Variants in ZNF423 observed in about 807,000 individuals in gnomAD.
ZNF423 encodes the protein Ebf-associated zinc finger protein.
ZNF423 carries 12 observed loss-of-function variants against 95.8 expected under a neutral mutation model. That is an observed-to-expected ratio of 0.13 (90% confidence interval 0.08 to 0.20). The LOEUF is 0.20. Ranked by LOEUF, ZNF423 falls within the 10% of genes least tolerant of loss-of-function variation. The probability of loss-of-function intolerance (pLI) is 1.00; values close to 1 mark genes in which losing one functional copy is unlikely to be tolerated. For missense variants in ZNF423, 1,316 were observed against 1,737.1 expected, an observed-to-expected ratio of 0.76 and a Z score of 4.31; for synonymous variants, 749 against 711.9, an observed-to-expected ratio of 1.05 and a Z score of -0.83.
intron 2 of ZNF423, among the ~76,000 whole-genome samples, chr16:49,777,424 A>C (rs2034139792): frequency 6.6e-6 from 1 of 152,192 alleles, no homozygotes; most frequent in Non-Finnish European, 1.5e-5. Context: ...GTTGGTGTGC[A>C]TGTAATATGT....
intron 1 of ZNF423, among the ~76,000 whole-genome samples, chr16:49,833,235 C>G (rs551787308): frequency 1.1e-4 from 16 of 152,326 alleles, no homozygotes; most frequent in African/African-American, 3.8e-4. Flanking sequence ...AACACCACTC[C>G]GCAGAGAAAA....
intron 1 of ZNF423, among the ~76,000 whole-genome samples, chr16:49,808,840 C>T (rs1169339638): frequency 6.6e-6 from 1 of 152,238 alleles, no homozygotes; most frequent in African/African-American, 2.4e-5. Context: ...CCAGGGACTC[C>T]AGCTGTGCAT....
intron 1 of ZNF423, among the ~76,000 whole-genome samples, chr16:49,825,596 G>T (rs1336541833): frequency 1.3e-5 from 2 of 151,956 alleles, no homozygotes; most frequent in Non-Finnish European, 2.9e-5. Flanking sequence ...GGAAGGCAGT[G>T]GGGGAGACAT....
chr16:49,778,980 T>C (rs2034166233), intron 2 of ZNF423, among the ~76,000 whole-genome samples: 1 of 152,196 alleles, frequency 6.6e-6, no homozygotes, highest in Non-Finnish European at 1.5e-5. Flanking sequence ...GGAGGTTTAG[T>C]AACTTACTCC....
intron 2 of ZNF423, among the ~76,000 whole-genome samples, chr16:49,789,001 C>G (rs556162477): frequency 1.3e-5 from 2 of 152,206 alleles, no homozygotes; most frequent in Admixed American, 6.5e-5. Flanking sequence ...ACGTCACCCC[C>G]GACACCCCAC....
chr16:49,604,011 T>C (rs1472064916), intron 5 of ZNF423, among the ~76,000 whole-genome samples: 1 of 152,158 alleles, frequency 6.6e-6, no homozygotes, highest in Admixed American at 6.5e-5. Flanking sequence ...CAGGAACCCA[T>C]TTGAGACGAA....
chr16:49,627,256 CTA>C (rs1972320689), intron 4 of ZNF423, among the ~76,000 whole-genome samples: 1 of 147,040 alleles, frequency 6.8e-6, no homozygotes, highest in Non-Finnish European at 1.5e-5. Context: ...ATCCATCCAT[CTA>C]CATACATACC....
intron 1 of ZNF423, chr16:49,854,266 G>T: frequency 4.1e-6 from 4 of 985,356 alleles, no homozygotes; most frequent in Non-Finnish European, 4.8e-6. Context: ...AACGGGCCGG[G>T]CGCTCCGTTT....
intron 5 of ZNF423, among the ~76,000 whole-genome samples, chr16:49,550,157 T>G (rs1432486023): frequency 1.3e-5 from 2 of 152,218 alleles, no homozygotes; most frequent in Non-Finnish European, 2.9e-5. Context: ...GATGAGCCAC[T>G]GAGCCCAGCC....
At chr16:49,834,640 C>A (rs1239519923) in intron 1 of ZNF423, among the ~76,000 whole-genome samples, 2 of 152,172 alleles carry the variant, frequency 1.3e-5, no homozygotes, top group African/African-American at 4.8e-5. Context: ...CCTGGCAGGG[C>A]TTCCCAGGGG....
At chr16:49,731,438 A>T in intron 2 of ZNF423, 1 of 914,584 alleles carries the variant, frequency 1.1e-6, no homozygotes, top group Non-Finnish European at 1.3e-6. Flanking sequence ...ACGTTGGCTC[A>T]GTTCTTTGCA....
intron 5 of ZNF423, among the ~76,000 whole-genome samples, chr16:49,593,356 G>A (rs1971077249): frequency 6.6e-6 from 1 of 152,058 alleles, no homozygotes; most frequent in Non-Finnish European, 1.5e-5. Flanking sequence ...GATTGCTGGA[G>A]CCTGGGAGGT....
intron 3 of ZNF423, among the ~76,000 whole-genome samples, chr16:49,661,216 T>TAAAA (rs2030205664): frequency 1.1e-5 from 1 of 91,192 alleles, no homozygotes; most frequent in African/African-American, 7.3e-5. Flanking sequence ...AGACTTCATC[T>TAAAA]CAAAAAAAAA....
At chr16:49,815,260 C>T (rs2034818707) in intron 1 of ZNF423, among the ~76,000 whole-genome samples, 1 of 152,120 alleles carries the variant, frequency 6.6e-6, no homozygotes, top group African/African-American at 2.4e-5. Flanking sequence ...CCTGATACCC[C>T]CAGCTGCTCC....
intron 3 of ZNF423, among the ~76,000 whole-genome samples, chr16:49,680,856 A>T (rs1488810702): frequency 1.3e-5 from 2 of 152,194 alleles, no homozygotes; most frequent in Admixed American, 6.5e-5. Context: ...AGCAGGCATG[A>T]GCAATATAGT....
chr16:49,760,080 G>C (rs944579225), intron 2 of ZNF423, among the ~76,000 whole-genome samples: 2 of 124,396 alleles, frequency 1.6e-5, no homozygotes, highest in Non-Finnish European at 3.3e-5. Flanking sequence ...CAGATGAGTG[G>C]ATGAATGGGT....
intron 3 of ZNF423, among the ~76,000 whole-genome samples, chr16:49,707,548 G>A (rs1463487235): frequency 4.0e-5 from 6 of 151,256 alleles, no homozygotes; most frequent in Non-Finnish European, 7.4e-5. Flanking sequence ...ACCCAGGAGG[G>A]GGAGGTTGTA....
At chr16:49,589,971 C>T (rs537116936) in intron 5 of ZNF423, among the ~76,000 whole-genome samples, 80 of 148,338 alleles carry the variant, frequency 5.4e-4, no homozygotes, top group East Asian at 5.0e-3. Flanking sequence ...GAAATTCCAA[C>T]GAGTCTTGAG....
chr16:49,531,187 G>A (rs765729005), intron 5 of ZNF423, among the ~76,000 whole-genome samples: 2 of 151,970 alleles, frequency 1.3e-5, no homozygotes, highest in Non-Finnish European at 2.9e-5. Context: ...GAATACACAG[G>A]CTGCTTGGCC....
Sources: gnomAD v4.1 joint callset for allele counts (sites outside exome capture counted in the v4.1 genomes callset) on GRCh38, gnomAD v4.1.1 for gene constraint, MANE v1.5 for transcripts, NCBI Gene and HGNC (gene_info 2026-07-23, HGNC 2026-07-21) for gene names.